Variants in PDE1C observed in about 807,000 individuals in gnomAD.
The protein encoded by PDE1C is dual specificity calcium/calmodulin-dependent 3',5'-cyclic nucleotide phosphodiesterase 1C.
PDE1C carries 62 observed loss-of-function variants against 93.1 expected under a neutral mutation model. That is an observed-to-expected ratio of 0.67 (90% CI 0.54 to 0.82). PDE1C has a LOEUF of 0.82. Ranked by LOEUF, PDE1C falls within the 40% of genes least tolerant of loss-of-function variation. PDE1C has a pLI of 0.00. For synonymous variants in PDE1C, 325 were observed against 310.1 expected, an observed-to-expected ratio of 1.05 and a Z score of -0.50; for missense variants, 742 against 884.6, an observed-to-expected ratio of 0.84 and a Z score of 2.04.
In PDE1C at chr7:32,294,574, G is replaced by GA. The variant is rs1229701025; in HGVS notation, c.85+4076dup. 1.3e-5 allele frequency among the ~76,000 whole-genome samples: 2 copies of GA among 152,118 alleles called. 1 individual carries two copies. Among genetic ancestry groups the GA allele is most frequent in the African/African-American group, 4.8e-5 (2 of 41,430 alleles). ...TGGGGCCCACTCAGGTGATTTAAAA[G>GA]AAAAAATGTGCTTTTGTTTTTGGCA... On this transcript the variant is annotated intron_variant, in intron 1 of 18. Coordinates refer to the PDE1C transcript ENST00000396193.
At chr7:32,238,295 C>T (rs1056881456) in intron 1 of PDE1C, among the ~76,000 whole-genome samples, 1 of 152,134 alleles carries the variant, frequency 6.6e-6, no homozygotes, top group Non-Finnish European at 1.5e-5. Context: ...CTAGCTAATG[C>T]ATCAAAACCA....
At chr7:31,903,225 C>A (rs1800197279) in intron 2 of PDE1C, among the ~76,000 whole-genome samples, 1 of 151,604 alleles carries the variant, frequency 6.6e-6, no homozygotes, top group Non-Finnish European at 1.5e-5. Context: ...AAAAATTTTG[C>A]AAATGGGAGT....
intron 2 of PDE1C, among the ~76,000 whole-genome samples, chr7:31,900,654 C>T (rs1051618741): frequency 2.0e-5 from 3 of 151,552 alleles, no homozygotes; most frequent in African/African-American, 7.3e-5. Context: ...TATACATATT[C>T]ATATATAGCA....
the PDE1C span, chr7:31,651,217 C>T: frequency 8.8e-3 from 14,265 of 1,613,472 alleles, 899 homozygotes; most frequent in African/African-American, 0.15. Context: ...AATTGAACAG[C>T]ACCTTATGGG....
chr7:32,081,921 C>G (rs974944332), intron 3 of PDE1C, among the ~76,000 whole-genome samples: 4 of 152,158 alleles, frequency 2.6e-5, no homozygotes, highest in Non-Finnish European at 5.9e-5. Context: ...TCTACAGCTC[C>G]CAGAGTGAGC....
intron 16 of PDE1C, among the ~76,000 whole-genome samples, chr7:31,794,784 C>G (rs1010571400): frequency 6.6e-6 from 1 of 151,922 alleles, no homozygotes; most frequent in Admixed American, 6.6e-5. Flanking sequence ...AGTTTCTGAT[C>G]AGTCTTTGAA....
chr7:32,123,209 G>A (rs1220455761), intron 3 of PDE1C, among the ~76,000 whole-genome samples: 1 of 152,096 alleles, frequency 6.6e-6, no homozygotes, highest in African/African-American at 2.4e-5. Context: ...CCAAAATTGA[G>A]GGAGTCATTA....
intron 3 of PDE1C, among the ~76,000 whole-genome samples, chr7:32,080,070 G>A (rs1039702119): frequency 9.2e-5 from 14 of 152,190 alleles, no homozygotes; most frequent in African/African-American, 3.4e-4. Flanking sequence ...CATGTGCAAA[G>A]ATTATTAAGC....
At chr7:32,353,729 C>T (rs1783976780) in intron 1 of PDE1C, among the ~76,000 whole-genome samples, 5 of 151,932 alleles carry the variant, frequency 3.3e-5, no homozygotes, top group Admixed American at 3.3e-4. Context: ...AAATTTCTTG[C>T]ATGAGAGGAA....
At chr7:32,216,232 G>C (rs1806421760) in intron 1 of PDE1C, among the ~76,000 whole-genome samples, 1 of 152,148 alleles carries the variant, frequency 6.6e-6, no homozygotes, top group Non-Finnish European at 1.5e-5. Context: ...TCGTCTTCTA[G>C]GTAGGACCTT....
chr7:31,900,923 T>C (rs1382995417), intron 2 of PDE1C, among the ~76,000 whole-genome samples: 1 of 151,860 alleles, frequency 6.6e-6, no homozygotes, highest in African/African-American at 2.4e-5. Context: ...TATATGATCT[T>C]TTTGACAGAT....
intron 2 of PDE1C, among the ~76,000 whole-genome samples, chr7:31,893,101 G>T (rs1013343334): frequency 6.6e-6 from 1 of 151,980 alleles, no homozygotes; most frequent in African/African-American, 2.4e-5. Context: ...ATAAAAAAAT[G>T]AAAGGAATGA....
intron 2 of PDE1C, among the ~76,000 whole-genome samples, chr7:31,897,196 T>C (rs1019521699): frequency 2.0e-5 from 3 of 152,216 alleles, no homozygotes; most frequent in Non-Finnish European, 4.4e-5. Context: ...TCTGGAGTGC[T>C]GTCACAGGGC....
intron 4 of PDE1C, 77 bp downstream of exon 4, chr7:31,878,919 A>T: frequency 7.1e-7 from 1 of 1,415,900 alleles, no homozygotes; most frequent in Non-Finnish European, 9.8e-7. Flanking sequence ...AACTACATTA[A>T]AGCAAAGCTT....
At chr7:31,944,190 CAT>C (rs1806258635) in intron 2 of PDE1C, among the ~76,000 whole-genome samples, 1 of 152,232 alleles carries the variant, frequency 6.6e-6, no homozygotes, top group African/African-American at 2.4e-5. Flanking sequence ...CTCGACCACA[CAT>C]GAGTTCTTTC....
At chr7:32,196,125 T>C (rs1468937697) in intron 2 of PDE1C, among the ~76,000 whole-genome samples, 3 of 152,146 alleles carry the variant, frequency 2.0e-5, no homozygotes, top group Non-Finnish European at 4.4e-5. Context: ...GAAGGCTGAT[T>C]TAGATGAAAG....
chr7:32,111,337 A>G (rs770938304), intron 3 of PDE1C, among the ~76,000 whole-genome samples: 8 of 152,226 alleles, frequency 5.3e-5, no homozygotes, highest in South Asian at 4.1e-4. Context: ...TTGAACACAG[A>G]TTCTAAAATC....
chr7:32,165,807 AG>A (rs1802214914), intron 3 of PDE1C, among the ~76,000 whole-genome samples: 1 of 152,202 alleles, frequency 6.6e-6, no homozygotes, highest in African/African-American at 2.4e-5. Flanking sequence ...TCGAGTTCAA[AG>A]GGATCCTAAA....
At chr7:31,860,040 A>G (rs4723104) in intron 7 of PDE1C, among the ~76,000 whole-genome samples, 126,053 of 152,180 alleles carry the variant, frequency 0.83, 52,834 homozygotes, top group Admixed American at 0.88. Flanking sequence ...GGCCTCCCTG[A>G]GTACACTTGG....
Sources: gnomAD v4.1 joint callset for allele counts (sites outside exome capture counted in the v4.1 genomes callset) on GRCh38, gnomAD v4.1.1 for gene constraint, MANE v1.5 for transcripts, NCBI Gene and HGNC (gene_info 2026-07-23, HGNC 2026-07-21) for gene names.